AIDA: variants seen among roughly 807,000 people sequenced by gnomAD.
The protein encoded by AIDA is axin interactor, dorsalization associated.
A neutral mutation model predicts 42.7 loss-of-function variants in AIDA; 18 were observed. That is an observed-to-expected ratio of 0.42 (90% CI 0.29 to 0.63). AIDA has a LOEUF of 0.63. AIDA is among the 20% of genes least tolerant of loss of function. The probability of loss-of-function intolerance (pLI) is 0.19; values close to 1 mark genes in which losing one functional copy is unlikely to be tolerated. For synonymous variants in AIDA, 104 were observed against 122.9 expected (o/e 0.85, Z 1.02); for missense variants, 250 against 354.1 (o/e 0.71, Z 2.36).
At chr1:222,696,208 C>G (rs1205855241) in intron 2 of AIDA, among the ~76,000 whole-genome samples, 1 of 152,168 alleles carries the variant, frequency 6.6e-6, no homozygotes, top group Non-Finnish European at 1.5e-5. Flanking sequence ...TCACGATATT[C>G]ACAGATTTAT....
At chr1:222,694,804 T>C (rs932256865) in intron 2 of AIDA, among the ~76,000 whole-genome samples, 8 of 152,206 alleles carry the variant, frequency 5.3e-5, no homozygotes, top group Non-Finnish European at 1.0e-4. Context: ...AGGGCATAGA[T>C]AGTGTTTGCC....
chr1:222,712,336 C>CAG lies in AIDA; in HGVS notation c.-20_-19insCT. ...CCGACATGGCCGGTCCCCACCCCGT[C>CAG]CCCTCCCGCCCCTACCCCAGCAAGG... On this transcript the variant is annotated 5_prime_UTR_variant, in exon 1 of 10. Coordinates refer to ENST00000340020, the MANE Select transcript of AIDA (RefSeq NM_022831.4). The CAG allele has an allele frequency of 3.1e-6, 3 of 956,394 alleles. No homozygotes were observed. The highest frequency in any genetic ancestry group is 3.2e-6 in the Non-Finnish European group (2 of 631,624). 59.2% of individuals were successfully genotyped at this position (956,394 alleles called of 1,614,324 possible).
intron 2 of AIDA, among the ~76,000 whole-genome samples, chr1:222,700,648 G>C (rs36077973): frequency 2.0e-5 from 3 of 151,940 alleles, no homozygotes; most frequent in African/African-American, 7.2e-5. Context: ...CCAGCTACTC[G>C]GGAGGCTGAG....
chr1:222,707,255 T>C (rs1655863843), intron 1 of AIDA, among the ~76,000 whole-genome samples: 1 of 151,950 alleles, frequency 6.6e-6, no homozygotes, highest in Non-Finnish European at 1.5e-5. Flanking sequence ...TCTCCGGGGC[T>C]CAAGCAATCC....
intron 4 of AIDA, 105 bp downstream of exon 4, chr1:222,693,684 T>A (rs1029069225): frequency 8.4e-6 from 8 of 955,872 alleles, no homozygotes; most frequent in Middle Eastern, 3.5e-4. Context: ...GGACTAGATA[T>A]TAACAGAAAT....
chr1:222,684,767 G>A (rs1454095656), intron 6 of AIDA, among the ~76,000 whole-genome samples: 2 of 152,114 alleles, frequency 1.3e-5, no homozygotes, highest in African/African-American at 4.8e-5. Flanking sequence ...CATAGCAAAT[G>A]GATTTAATTT....
In AIDA at chr1:222,668,897, CT is replaced by C. The variant is rs1464234004; in HGVS notation, c.*995del. ...TTCATATGGATGAATGTCAGTATAT[CT>C]AAATAGGAAATAAATGGCGATCCTA... On this transcript the variant is annotated 3_prime_UTR_variant, in exon 10 of 10. Transcript: ENST00000340020. 6.7e-6 allele frequency: 1 copy of C among 149,878 alleles called. No individual in the cohort carries two copies. Among genetic ancestry groups the C allele is most frequent in the Non-Finnish European group, 1.5e-5 (1 of 67,544 alleles). The allele number at this position is 149,878 out of a possible 1,614,324, so 9.3% of individuals were successfully genotyped here.
chr1:222,672,157 C>T (rs1295325801), intron 8 of AIDA, among the ~76,000 whole-genome samples: 1 of 151,410 alleles, frequency 6.6e-6, no homozygotes, highest in Admixed American at 6.6e-5. Flanking sequence ...AAGTTTGAAG[C>T]TGGAAAAAAT....
chr1:222,712,038 C>A, intron 1 of AIDA, 170 bp downstream of exon 1: 1 of 1,003,872 alleles, frequency 1.0e-6, no homozygotes, highest in Non-Finnish European at 1.5e-6. Context: ...GCCGTTGTCC[C>A]TAGAGCAGCC....
chr1:222,706,825 G>A (rs35725247), intron 1 of AIDA, among the ~76,000 whole-genome samples: 79,684 of 143,290 alleles, frequency 0.56, 24,557 homozygotes, highest in Non-Finnish European at 0.69. Flanking sequence ...CCTGCACTCC[G>A]CCCAGGGTAA....
intron 1 of AIDA, among the ~76,000 whole-genome samples, chr1:222,706,529 AT>A (rs1655842945): frequency 6.6e-6 from 1 of 152,142 alleles, no homozygotes; most frequent in African/African-American, 2.4e-5. Context: ...TACAACATAG[AT>A]GAAACTTAAA....
rs1304898408 is a variant in AIDA at position 222,696,414 on chromosome 1, A to G, written c.181-2151T>C. Among the ~76,000 whole-genome samples the G allele has an allele frequency of 2.0e-5, 3 of 152,244 alleles. No individual in the cohort carries two copies. The East Asian group carries it at 5.8e-4, about 29-fold the overall frequency. On this transcript the variant is annotated intron_variant, in intron 2 of 9. Coordinates refer to ENST00000340020, the MANE Select transcript of AIDA (RefSeq NM_022831.4). Reference sequence around the variant, plus strand: ...ACTTACTAAGTGACAGGCTCTCCTAAGTGATTTACAAACAGTAATTCTTTT... The same window carrying G: ...ACTTACTAAGTGACAGGCTCTCCTAGGTGATTTACAAACAGTAATTCTTTT...
intron 8 of AIDA, 26 bp downstream of exon 8, chr1:222,673,287 G>T (rs757447881): frequency 6.3e-7 from 1 of 1,583,886 alleles, no homozygotes; most frequent in Non-Finnish European, 8.6e-7. Context: ...TCCATAAGAA[G>T]CCAAGTATTA....
rs551866752 is a variant in AIDA, at chr1:222,699,810, C to T, written c.180+3338G>A. On this transcript the variant is annotated intron_variant, in intron 2 of 9. Transcript: ENST00000340020. ...TTTTTTGAGACAAGTCTCGCTCTGT[C>T]GCCCAGGCTGGAGTGCAGTGGTGCG... 3.3e-5 allele frequency among the ~76,000 whole-genome samples: 5 copies of T among 150,354 alleles called. No homozygotes were observed. In the East Asian group the frequency reaches 9.8e-4, roughly 29 times the overall value.
At chr1:222,697,903 AT>A (rs1346669526) in intron 2 of AIDA, among the ~76,000 whole-genome samples, 1 of 152,194 alleles carries the variant, frequency 6.6e-6, no homozygotes, top group Non-Finnish European at 1.5e-5. Flanking sequence ...GCATTATAAA[AT>A]ATAAAACAAG....
Position 222,669,915 on chromosome 1 carries a change from T to A in AIDA, c.899A>T (p.His300Leu). 6.2e-7 allele frequency: 1 copy of A among 1,611,996 alleles called. No individual in the cohort carries two copies. Among genetic ancestry groups the A allele is most frequent in the South Asian group, 1.1e-5 (1 of 90,938 alleles). Residue 300 changes from histidine (H) to leucine (L), a missense_variant, in exon 10 of 10, where the codon CAT becomes CTT. Around this residue, in one of 4 missense-constraint regions of AIDA, gnomAD observed 35 missense variants for 75.9 expected, o/e 0.46. Coordinates refer to ENST00000340020, the MANE Select transcript of AIDA (RefSeq NM_022831.4). ...LTKKPLYLHL[H>L]QTLHKE ...GGATCATTCCTTGTGCAAAGTTTGA[T>A]GTAGATGAAGATAAAGTGGTTTCTT...
intron 6 of AIDA, among the ~76,000 whole-genome samples, chr1:222,677,086 C>A (rs1254964077): frequency 6.6e-6 from 1 of 151,916 alleles, no homozygotes; most frequent in Non-Finnish European, 1.5e-5. Context: ...GAATTTTTTT[C>A]TTTTCTTCAC....
chr1:222,676,226 C>A lies in AIDA; in HGVS notation c.461-8G>T. The A allele has an allele frequency of 6.2e-7, 1 of 1,603,614 alleles. No homozygotes were observed. The highest frequency in any genetic ancestry group is 1.3e-5 in the African/African-American group (1 of 74,230). ...ACCTTGGTAATAAAGTACCTGGCAA[C>A]AGAGAAAAAGCAATAAAAGCTCCAT... On this transcript the variant is annotated splice_region_variant and splice_polypyrimidine_tract_variant and intron_variant, in intron 6 of 9. Transcript: ENST00000340020.
At chr1:222,693,458 T>C (rs1266602149) in intron 4 of AIDA, among the ~76,000 whole-genome samples, 1 of 152,188 alleles carries the variant, frequency 6.6e-6, no homozygotes, top group Admixed American at 6.5e-5. Context: ...GTAGTGTAAA[T>C]GGGAATCAAT....
Sources: allele counts gnomAD v4.1 joint callset (sites outside exome capture counted in the v4.1 genomes callset), GRCh38; gene constraint gnomAD v4.1.1; regional missense constraint gnomAD v4.1.1; transcripts MANE v1.5; gene names NCBI Gene and HGNC (gene_info 2026-07-23, HGNC 2026-07-21).